YEATS2: variants seen among roughly 807,000 people sequenced by gnomAD.
YEATS2 encodes the protein YEATS domain-containing protein 2.
Under a neutral mutation model 163.2 loss-of-function variants are expected in YEATS2, and 77 were observed. The observed-to-expected ratio is 0.47, with a 90% CI of 0.39 to 0.57. The LOEUF (loss-of-function observed/expected upper bound fraction) is 0.57. Among genes scored for constraint, YEATS2 ranks in the 20% least tolerant of loss-of-function variants. YEATS2 has a pLI of 0.00. For synonymous variants in YEATS2, 631 were observed against 645.1 expected, an observed-to-expected ratio of 0.98 and a Z score of 0.33; for missense variants, 1,549 against 1,729.8, an observed-to-expected ratio of 0.90 and a Z score of 1.85.
At chr3:183,749,182 A>T (rs957265947) in intron 9 of YEATS2, among the ~76,000 whole-genome samples, 6 of 151,934 alleles carry the variant, frequency 3.9e-5, no homozygotes, top group Admixed American at 6.6e-5. Flanking sequence ...TGACCTTGTG[A>T]TCCGCCCATC....
At position 183,770,475 on chromosome 3, in the gene YEATS2, T is replaced by C. The variant is rs555228638; in HGVS notation, c.1948-1830T>C. On this transcript the variant is annotated intron_variant, in intron 15 of 30. Transcript: ENST00000305135. ...TTCTAAATAATCTTATTTTAAAATT[T>C]AGAAATACTCTAAAATTCCAGTAAC... Among the ~76,000 whole-genome samples the C allele has an allele frequency of 9.9e-5, 15 of 152,248 alleles. No individual in the cohort carries two copies. The East Asian group carries it at 2.7e-3, about 27-fold the overall frequency.
At position 183,811,463 on chromosome 3, in the gene YEATS2, T is replaced by G. The variant is rs1726794106; in HGVS notation, c.*880T>G. ...GGGAGCGGCGCCCGGCAGGCTCTTC[T>G]GGGGTCGTCTGTCCTATCCGTGGAT... On this transcript the variant is annotated 3_prime_UTR_variant, in exon 31 of 31. Coordinates refer to ENST00000305135, the MANE Select transcript of YEATS2 (RefSeq NM_018023.5). The G allele has an allele frequency of 6.5e-6, 1 of 152,698 alleles. No individual in the cohort carries two copies. The highest frequency in any genetic ancestry group is 1.5e-5 in the Non-Finnish European group (1 of 68,116). 9.5% of individuals were successfully genotyped at this position (152,698 alleles called of 1,614,324 possible).
chr3:183,767,644 G>T (rs1165986773), intron 15 of YEATS2, among the ~76,000 whole-genome samples: 1 of 152,086 alleles, frequency 6.6e-6, no homozygotes, highest in Non-Finnish European at 1.5e-5. Context: ...GCCTCCTGAA[G>T]TGCTAGGATT....
chr3:183,808,319 G>T, intron 29 of YEATS2: 1 of 556,470 alleles, frequency 1.8e-6, no homozygotes, highest in Non-Finnish European at 3.2e-6. Context: ...GGTTTCAGGT[G>T]CCTCCTAAGA....
rs116566617 is a variant in YEATS2 at position 183,716,254 on chromosome 3, C to T, written c.100+992C>T. On this transcript the variant is annotated intron_variant, in intron 2 of 30. Transcript: ENST00000305135. Reference sequence around the variant, plus strand: ...GATTACAGACGTGAGCCACCGCGCCCGGCAACACTAAATTTACATTATTAA... The same window carrying T: ...GATTACAGACGTGAGCCACCGCGCCTGGCAACACTAAATTTACATTATTAA... Among the ~76,000 whole-genome samples the T allele has an allele frequency of 8.3e-3, 1,263 of 152,236 alleles. 12 individuals carry two copies. Among genetic ancestry groups the T allele is most frequent in the African/African-American group, 0.029 (1,201 of 41,550 alleles).
At chr3:183,773,603 C>T in intron 16 of YEATS2, 30 bp from the exon 17 acceptor site, 1 of 1,556,260 alleles carries the variant, frequency 6.4e-7, no homozygotes, top group Non-Finnish European at 8.7e-7. Flanking sequence ...TTCAATTTAT[C>T]TTACAATTTT....
At chr3:183,808,540 C>T (rs141020531) in intron 29 of YEATS2, among the ~76,000 whole-genome samples, 20 of 152,310 alleles carry the variant, frequency 1.3e-4, no homozygotes, top group Admixed American at 1.2e-3. Context: ...GGGATACCTC[C>T]GTAACAACTG....
chr3:183,810,800 T>C lies in YEATS2; in HGVS notation c.*217T>C. ...TTGTTTCCTGAGTGTGGAGTGAGGC[T>C]GTCAGTGGATCCGTGCTTTGTCGGC... On this transcript the variant is annotated 3_prime_UTR_variant, in exon 31 of 31. Transcript: ENST00000305135. 1 of 541,126 alleles carries C rather than the reference T, an allele frequency of 1.8e-6. No individual in the cohort carries two copies. Among genetic ancestry groups the C allele is most frequent in the South Asian group, 2.0e-5 (1 of 49,350 alleles). 33.5% of individuals were successfully genotyped at this position (541,126 alleles called of 1,614,324 possible). A position where few individuals can be genotyped will look rare whatever the true frequency, so the allele number is the denominator to read the frequency against.
At chr3:183,734,802 T>C (rs1192800691) in intron 7 of YEATS2, among the ~76,000 whole-genome samples, 1 of 152,226 alleles carries the variant, frequency 6.6e-6, no homozygotes, top group Non-Finnish European at 1.5e-5. Flanking sequence ...ATTCTGTGTT[T>C]CTAATAAAGC....
rs527596234 is a variant in YEATS2, at chr3:183,700,385, GT to G, written c.-20+2394del. Among the ~76,000 whole-genome samples the G allele has an allele frequency of 9.4e-3, 1,426 of 152,226 alleles. 10 individuals are homozygous for G. The highest frequency in any genetic ancestry group is 0.02 in the Middle Eastern group (6 of 294). ...TTCTTAGAATAGATTCTCAGAAATA[GT>G]TGGTCCTGTCCTCTTCTCATCAACT... On this transcript the variant is annotated intron_variant, in intron 1 of 30. Transcript: ENST00000305135.
Position 183,811,855 on chromosome 3 carries a change from A to G in YEATS2, c.*1272A>G, listed in dbSNP as rs1261545520. 1 of 152,218 alleles carries G rather than the reference A, an allele frequency of 6.6e-6. No homozygotes were observed. The highest frequency in any genetic ancestry group is 1.5e-5 in the Non-Finnish European group (1 of 68,056). 9.4% of individuals were successfully genotyped at this position (152,218 alleles called of 1,614,324 possible). A position where few individuals can be genotyped will look rare whatever the true frequency, so the allele number is the denominator to read the frequency against. ...AGAGTCAGAGAAACTTACCCAAGCAACGTAATTCCTGTTTTCATGGGTCCT... is the reference window on the plus strand; with the variant it reads ...AGAGTCAGAGAAACTTACCCAAGCAGCGTAATTCCTGTTTTCATGGGTCCT... On this transcript the variant is annotated 3_prime_UTR_variant, in exon 31 of 31. Coordinates refer to ENST00000305135, the MANE Select transcript of YEATS2 (RefSeq NM_018023.5).
At chr3:183,780,327 C>T (rs375460347) in intron 19 of YEATS2, among the ~76,000 whole-genome samples, 14 of 152,332 alleles carry the variant, frequency 9.2e-5, no homozygotes, top group Middle Eastern at 3.4e-3. Flanking sequence ...CAACACATCA[C>T]CCTTCTGGTT....
chr3:183,808,279 G>A, intron 29 of YEATS2, 175 bp downstream of exon 29: 1 of 590,308 alleles, frequency 1.7e-6, no homozygotes, highest in Non-Finnish European at 3.0e-6. Flanking sequence ...ATTTTTAAAT[G>A]GACTAAGTTA....
In YEATS2 at chr3:183,758,440, GC is replaced by G. The variant is rs756763375; in HGVS notation, c.1553-421del. Among the ~76,000 whole-genome samples, 20 of 152,306 alleles carry G rather than the reference GC, an allele frequency of 1.3e-4. 1 individual carries two copies. Among genetic ancestry groups the G allele is most frequent in the Admixed American group, 4.6e-4 (7 of 15,294 alleles). On this transcript the variant is annotated intron_variant, in intron 12 of 30. Coordinates refer to ENST00000305135, the MANE Select transcript of YEATS2 (RefSeq NM_018023.5). ...ACTACTTTGAAGGAGCTAGCAGAAT[GC>G]ATATATTCTGGCACATTTGTTAAAC...
rs776043318 is a variant in YEATS2, at chr3:183,801,435, T to TG, written c.3429-20_3429-19insG. The TG allele has an allele frequency of 2.9e-5, 44 of 1,497,260 alleles. No homozygotes were observed. In the South Asian group the frequency reaches 5.4e-4, roughly 18 times the overall value. The allele number at this position is 1,497,260 out of a possible 1,614,324, so 92.7% of individuals were successfully genotyped here. A position where few individuals can be genotyped will look rare whatever the true frequency, so the allele number is the denominator to read the frequency against. On this transcript the variant is annotated intron_variant, in intron 24 of 30. Transcript: ENST00000305135. Reference sequence around the variant, plus strand: ...ACATGTATTTAATTTATTGCCTTAATTTTTTTTTATCTCTCTCAGGATAGA... The same window carrying TG: ...ACATGTATTTAATTTATTGCCTTAATGTTTTTTTTATCTCTCTCAGGATAGA...
At chr3:183,725,701 G>A (rs1469857375) in intron 6 of YEATS2, among the ~76,000 whole-genome samples, 4 of 152,228 alleles carry the variant, frequency 2.6e-5, no homozygotes, top group Non-Finnish European at 2.9e-5. Context: ...CTTCCAGGAC[G>A]TGTGGGAATT....
At chr3:183,744,734 A>G (rs1330947975) in intron 8 of YEATS2, among the ~76,000 whole-genome samples, 3 of 152,024 alleles carry the variant, frequency 2.0e-5, no homozygotes, top group Non-Finnish European at 2.9e-5. Flanking sequence ...TTTTTTAGTT[A>G]ACTCTTGGAG....
At chr3:183,795,891 G>T (rs544296014) in intron 21 of YEATS2, among the ~76,000 whole-genome samples, 1 of 151,648 alleles carries the variant, frequency 6.6e-6, no homozygotes, top group East Asian at 1.9e-4. Flanking sequence ...TTAAGGCCTT[G>T]CTCTAGAAAG....
rs999024813 is a variant in YEATS2, at chr3:183,811,465, G to T, written c.*882G>T. ...GAGCGGCGCCCGGCAGGCTCTTCTGGGGTCGTCTGTCCTATCCGTGGATTG... is the reference window on the plus strand; with the variant it reads ...GAGCGGCGCCCGGCAGGCTCTTCTGTGGTCGTCTGTCCTATCCGTGGATTG... On this transcript the variant is annotated 3_prime_UTR_variant, in exon 31 of 31. Transcript: ENST00000305135. 3 of 152,670 alleles carry T rather than the reference G, an allele frequency of 2.0e-5. No homozygotes were observed. The highest frequency in any genetic ancestry group is 7.2e-5 in the African/African-American group (3 of 41,444). The allele number at this position is 152,670 out of a possible 1,614,324, so 9.5% of individuals were successfully genotyped here.
Sources: allele counts gnomAD v4.1 joint callset (sites outside exome capture counted in the v4.1 genomes callset), GRCh38; gene constraint gnomAD v4.1.1; transcripts MANE v1.5; gene names NCBI Gene and HGNC (gene_info 2026-07-23, HGNC 2026-07-21).